Variants in PCDH15 observed in about 807,000 individuals in gnomAD.
The protein encoded by PCDH15 is protocadherin related 15, also known as protocadherin-15.
In PCDH15, 129 loss-of-function variants were observed where a neutral mutation model predicts 178.5. That is an observed-to-expected ratio of 0.72 (90% CI 0.63 to 0.84). The LOEUF (loss-of-function observed/expected upper bound fraction) is 0.84, where lower values mean the gene tolerates loss of function less well. Ranked by LOEUF, PCDH15 falls within the 40% of genes least tolerant of loss-of-function variation. The pLI is 0.00. For synonymous variants in PCDH15, 800 were observed against 732.0 expected, an observed-to-expected ratio of 1.09 and a Z score of -1.50; for missense variants, 2,230 against 2,099.9, an observed-to-expected ratio of 1.06 and a Z score of -1.21.
intron 2 of PCDH15, among the ~76,000 whole-genome samples, chr10:54,649,143 A>G (rs2094198973): frequency 6.6e-6 from 1 of 152,208 alleles, no homozygotes; most frequent in African/African-American, 2.4e-5. Context: ...ATTATGATCC[A>G]CTAGCGTTAT....
intron 13 of PCDH15, among the ~76,000 whole-genome samples, chr10:54,177,534 A>G (rs1296444443): frequency 6.6e-6 from 1 of 152,116 alleles, no homozygotes; most frequent in African/African-American, 2.4e-5. Flanking sequence ...CAGTGAGTAT[A>G]TGGGAAATCA....
chr10:55,174,367 TC>T (rs1839421902), intron 1 of PCDH15, among the ~76,000 whole-genome samples: 1 of 152,074 alleles, frequency 6.6e-6, no homozygotes, highest in East Asian at 1.9e-4. Context: ...AGTGAGAACT[TC>T]TATCCTCATC....
intron 15 of PCDH15, among the ~76,000 whole-genome samples, chr10:54,093,143 T>G (rs994395162): frequency 2.0e-5 from 3 of 152,158 alleles, no homozygotes; most frequent in Non-Finnish European, 2.9e-5. Context: ...GAAATATTTC[T>G]TCAGTTTTAT....
chr10:54,845,168 T>C (rs1192277945), intron 3 of PCDH15, among the ~76,000 whole-genome samples: 1 of 151,952 alleles, frequency 6.6e-6, no homozygotes, highest in Non-Finnish European at 1.5e-5. Flanking sequence ...ATTACTTACC[T>C]GAATGTTCAT....
At chr10:54,672,411 T>A (rs1430125443) in intron 1 of PCDH15, among the ~76,000 whole-genome samples, 1 of 152,098 alleles carries the variant, frequency 6.6e-6, no homozygotes, top group African/African-American at 2.4e-5. Flanking sequence ...GTGTAGAATA[T>A]GATAAAGGTA....
intron 2 of PCDH15, among the ~76,000 whole-genome samples, chr10:54,578,697 C>T (rs571434626): frequency 2.1e-4 from 32 of 152,136 alleles, no homozygotes; most frequent in African/African-American, 6.7e-4. Context: ...TAATCTCACC[C>T]ATTTTTTAGT....
intron 1 of PCDH15, among the ~76,000 whole-genome samples, chr10:55,303,182 G>A (rs1843331881): frequency 6.6e-6 from 1 of 152,068 alleles, no homozygotes; most frequent in Non-Finnish European, 1.5e-5. Flanking sequence ...TTCTGTAAGT[G>A]ATTATGGGTC....
intron 17 of PCDH15, among the ~76,000 whole-genome samples, chr10:54,068,793 C>T (rs997200283): frequency 6.6e-6 from 1 of 152,054 alleles, no homozygotes; most frequent in African/African-American, 2.4e-5. Context: ...TAGGTGTGTT[C>T]TCTATGTAAA....
intron 8 of PCDH15, among the ~76,000 whole-genome samples, chr10:54,255,239 G>A (rs2056808524): frequency 6.6e-6 from 1 of 152,030 alleles, no homozygotes; most frequent in South Asian, 2.1e-4. Context: ...TCTTTTACTT[G>A]TTTCTCTCTC....
At chr10:55,579,363 T>C (rs1325581156) in intron 2 of PCDH15, among the ~76,000 whole-genome samples, 1 of 152,190 alleles carries the variant, frequency 6.6e-6, no homozygotes, top group Admixed American at 6.5e-5. Context: ...AGTGTAACGC[T>C]TCAAACATCA....
At chr10:55,216,506 A>G (rs889846847) in intron 1 of PCDH15, among the ~76,000 whole-genome samples, 12 of 151,826 alleles carry the variant, frequency 7.9e-5, no homozygotes, top group South Asian at 2.1e-4. Flanking sequence ...TACATAGTAG[A>G]AATAAGTTCT....
At chr10:55,194,564 T>C (rs986069265) in intron 1 of PCDH15, among the ~76,000 whole-genome samples, 1 of 152,078 alleles carries the variant, frequency 6.6e-6, no homozygotes, top group Admixed American at 6.5e-5. Flanking sequence ...GTCATCACTG[T>C]GCTTTCATTC....
intron 3 of PCDH15, among the ~76,000 whole-genome samples, chr10:54,429,191 T>C (rs1956658189): frequency 6.6e-6 from 1 of 152,176 alleles, no homozygotes; most frequent in Non-Finnish European, 1.5e-5. Flanking sequence ...GGGGAGATTT[T>C]CAAGTGTAGA....
chr10:54,369,512 G>A (rs1947326928), intron 4 of PCDH15, among the ~76,000 whole-genome samples: 1 of 151,902 alleles, frequency 6.6e-6, no homozygotes. Context: ...GTTAGTGGAT[G>A]GCTAATGAGC....
intron 2 of PCDH15, among the ~76,000 whole-genome samples, chr10:55,127,454 A>T (rs1045754593): frequency 6.6e-6 from 1 of 152,196 alleles, no homozygotes; most frequent in African/African-American, 2.4e-5. Flanking sequence ...TCATATCCAC[A>T]TATCTATAGA....
At chr10:54,497,992 G>C (rs2080293171) in intron 3 of PCDH15, among the ~76,000 whole-genome samples, 1 of 151,766 alleles carries the variant, frequency 6.6e-6, no homozygotes, top group African/African-American at 2.4e-5. Context: ...CTATCGCCAA[G>C]ATATATAGTC....
At chr10:53,818,910 C>T (rs1339075573) in intron 33 of PCDH15, among the ~76,000 whole-genome samples, 1 of 151,870 alleles carries the variant, frequency 6.6e-6, no homozygotes, top group Non-Finnish European at 1.5e-5. Context: ...ATGTTGAGGC[C>T]TTCACAAAGT....
intron 8 of PCDH15, among the ~76,000 whole-genome samples, chr10:54,253,425 T>A (rs901664415): frequency 6.6e-6 from 1 of 152,046 alleles, no homozygotes; most frequent in Non-Finnish European, 1.5e-5. Context: ...ACCCTACATG[T>A]ACATCGAGAA....
chr10:55,534,421 G>A (rs909809292), intron 2 of PCDH15, among the ~76,000 whole-genome samples: 1 of 151,970 alleles, frequency 6.6e-6, no homozygotes, highest in African/African-American at 2.4e-5. Flanking sequence ...TACATGAATA[G>A]ACACTTCTCA....
Sources: gnomAD v4.1 joint callset for allele counts (sites outside exome capture counted in the v4.1 genomes callset) on GRCh38, gnomAD v4.1.1 for gene constraint, MANE v1.5 for transcripts, NCBI Gene and HGNC (gene_info 2026-07-23, HGNC 2026-07-21) for gene names.